EPHA5: variants seen among roughly 807,000 people sequenced by gnomAD.
EPHA5 encodes ephrin type-A receptor 5.
EPHA5 carries 60 observed loss-of-function variants against 105.0 expected under a neutral mutation model. The observed-to-expected ratio is 0.57, with a 90% CI of 0.46 to 0.71. The LOEUF (loss-of-function observed/expected upper bound fraction) is 0.71, where lower values mean the gene tolerates loss of function less well. EPHA5 is among the 30% of genes least tolerant of loss of function. The pLI, the probability that EPHA5 is intolerant of heterozygous loss-of-function variation, is 0.00. For missense variants in EPHA5, 1,218 were observed against 1,274.7 expected (o/e 0.96, Z 0.68); for synonymous variants, 513 against 449.1 (o/e 1.14, Z -1.80).
chr4:65,373,721 T>C (rs1306638499), intron 8 of EPHA5, among the ~76,000 whole-genome samples: 1 of 151,914 alleles, frequency 6.6e-6, no homozygotes. Context: ...AAATGAAGTT[T>C]ATTATCTACA....
intron 8 of EPHA5, among the ~76,000 whole-genome samples, chr4:65,388,671 T>TTTC (rs2148949633): frequency 6.8e-6 from 1 of 146,852 alleles, no homozygotes; most frequent in South Asian, 2.2e-4. Flanking sequence ...GGTTGTTTTT[T>TTTC]TCTTGTAAAT....
chr4:65,456,091 G>T (rs1048630765), intron 5 of EPHA5, among the ~76,000 whole-genome samples: 1 of 152,126 alleles, frequency 6.6e-6, no homozygotes. Context: ...TGGGGAGAGA[G>T]AAACTTGTTA....
chr4:65,348,691 T>TAAA (rs1560437834), intron 13 of EPHA5, among the ~76,000 whole-genome samples: 5 of 45,710 alleles, frequency 1.1e-4, no homozygotes, highest in African/African-American at 4.5e-4. Flanking sequence ...TATATATATA[T>TAAA]ATATATAAAA....
Position 65,368,088 on chromosome 4 carries a change from A to G in EPHA5, c.1794-664T>C, listed in dbSNP as rs143211707. ...CCTAAGATTCACAAATGACATCTTA[A>G]CCTCTAAATACAATCTTAGTTTTTC... On this transcript the variant is annotated intron_variant, in intron 8 of 16. Transcript: ENST00000613740. 2.0e-3 allele frequency among the ~76,000 whole-genome samples: 310 copies of G among 152,214 alleles called. 1 individual carries two copies. Among genetic ancestry groups the G allele is most frequent in the Middle Eastern group, 0.014 (4 of 294 alleles).
chr4:65,460,993 A>C (rs2149130386), intron 5 of EPHA5, among the ~76,000 whole-genome samples: 1 of 152,040 alleles, frequency 6.6e-6, no homozygotes, highest in Admixed American at 6.5e-5. Flanking sequence ...GTGATAAAAT[A>C]ACCATAACAC....
intron 11 of EPHA5, among the ~76,000 whole-genome samples, chr4:65,357,733 T>C (rs1471134314): frequency 1.3e-5 from 2 of 151,314 alleles, no homozygotes; most frequent in Non-Finnish European, 3.0e-5. Context: ...GATGAAAAAG[T>C]ACTAAAGATC....
chr4:65,540,082 A>T (rs1736672974), intron 3 of EPHA5, among the ~76,000 whole-genome samples: 1 of 136,964 alleles, frequency 7.3e-6, no homozygotes, highest in Non-Finnish European at 1.7e-5. Context: ...AGTCAGCACC[A>T]TGCATGAAAT....
intron 3 of EPHA5, among the ~76,000 whole-genome samples, chr4:65,523,892 T>G (rs992417436): frequency 1.3e-5 from 2 of 151,834 alleles, no homozygotes; most frequent in Admixed American, 6.6e-5. Flanking sequence ...ATACTCCACT[T>G]TCATATCACA....
At chr4:65,456,940 C>G (rs1727657618) in intron 5 of EPHA5, among the ~76,000 whole-genome samples, 1 of 151,990 alleles carries the variant, frequency 6.6e-6, no homozygotes, top group Non-Finnish European at 1.5e-5. Context: ...TATTTGCTAT[C>G]TCATTGTAGC....
chr4:65,517,304 CT>C (rs1734200334), intron 3 of EPHA5, among the ~76,000 whole-genome samples: 1 of 151,616 alleles, frequency 6.6e-6, no homozygotes, highest in African/African-American at 2.4e-5. Flanking sequence ...TGCTTGCTTC[CT>C]TTTTGCTTGG....
At chr4:65,557,114 A>G (rs1258567943) in intron 3 of EPHA5, among the ~76,000 whole-genome samples, 1 of 151,462 alleles carries the variant, frequency 6.6e-6, no homozygotes, top group Non-Finnish European at 1.5e-5. Flanking sequence ...ATTATAATTT[A>G]TATGGAATAT....
intron 5 of EPHA5, among the ~76,000 whole-genome samples, chr4:65,472,585 G>T (rs1055046057): frequency 6.6e-6 from 1 of 152,184 alleles, no homozygotes; most frequent in African/African-American, 2.4e-5. Context: ...ACCAGCACGT[G>T]GAAGCCGCTA....
In EPHA5 at chr4:65,382,391, G is replaced by A. The variant is rs79113909; in HGVS notation, c.1794-14967C>T. 5.3e-3 allele frequency among the ~76,000 whole-genome samples: 796 copies of A among 151,366 alleles called. 4 individuals carry two copies. Among genetic ancestry groups the A allele is most frequent in the Non-Finnish European group, 7.4e-3 (501 of 67,728 alleles). On this transcript the variant is annotated intron_variant, in intron 8 of 16. Coordinates refer to ENST00000613740, the MANE Select transcript of EPHA5 (RefSeq NM_001281766.3). ...ATAAAACATTAAGTTCTTCCTCCAC[G>A]AATGCCACAGGTAAAGGAATTGATT...
At chr4:65,465,520 AAAG>A (rs1220220584) in intron 5 of EPHA5, among the ~76,000 whole-genome samples, 98 of 98,376 alleles carry the variant, frequency 1.0e-3, no homozygotes, top group East Asian at 1.5e-3. Flanking sequence ...AGAAAGAAAG[AAAG>A]AAAGAAAAGA....
intron 14 of EPHA5, among the ~76,000 whole-genome samples, chr4:65,345,795 C>T (rs1307818918): frequency 2.0e-5 from 3 of 150,012 alleles, no homozygotes; most frequent in African/African-American, 7.3e-5. Context: ...TTTCTTGAGA[C>T]AGAGTCTCGC....
intron 14 of EPHA5, among the ~76,000 whole-genome samples, chr4:65,346,520 T>A (rs916027439): frequency 5.3e-5 from 8 of 152,128 alleles, no homozygotes; most frequent in African/African-American, 1.9e-4. Flanking sequence ...ATATACATGG[T>A]GTGAAGTTGG....
chr4:65,509,334 C>T (rs1733373532), intron 3 of EPHA5, among the ~76,000 whole-genome samples: 1 of 151,924 alleles, frequency 6.6e-6, no homozygotes, highest in African/African-American at 2.4e-5. Flanking sequence ...GTTAACTGTT[C>T]GACCTGTTTG....
intron 3 of EPHA5, among the ~76,000 whole-genome samples, chr4:65,585,470 G>A (rs1742028891): frequency 1.3e-5 from 2 of 151,666 alleles, no homozygotes; most frequent in South Asian, 4.1e-4. Flanking sequence ...TATTTACCAA[G>A]AGTGTTTTAA....
At chr4:65,516,711 A>G (rs1390383621) in intron 3 of EPHA5, among the ~76,000 whole-genome samples, 1 of 152,110 alleles carries the variant, frequency 6.6e-6, no homozygotes, top group Non-Finnish European at 1.5e-5. Flanking sequence ...AATCTTCAAA[A>G]GAGAAAATTT....
Sources: gnomAD v4.1 joint callset for allele counts (sites outside exome capture counted in the v4.1 genomes callset) on GRCh38, gnomAD v4.1.1 for gene constraint, MANE v1.5 for transcripts, NCBI Gene and HGNC (gene_info 2026-07-23, HGNC 2026-07-21) for gene names.